The following ADGRG5 variants were observed in gnomAD, a reference collection of about 807,000 sequenced individuals.
The protein encoded by ADGRG5 is adhesion G protein-coupled receptor G5.
Under a neutral mutation model 53.2 loss-of-function variants are expected in ADGRG5, and 37 were observed. The observed-to-expected ratio is 0.70, with a 90% CI of 0.53 to 0.91. The LOEUF is 0.91. Ranked by LOEUF, ADGRG5 falls within the 40% of genes least tolerant of loss-of-function variation. ADGRG5 has a pLI of 0.00. For missense variants in ADGRG5, 614 were observed against 675.8 expected (o/e 0.91, Z 1.01); for synonymous variants, 277 against 290.4 (o/e 0.95, Z 0.47).
chr16:57,549,462 C>T (rs2032697310), intron 1 of ADGRG5, among the ~76,000 whole-genome samples: 1 of 152,294 alleles, frequency 6.6e-6, no homozygotes, highest in South Asian at 2.1e-4. Context: ...TTGTTGACTT[C>T]CTTTCTCTAA....
At chr16:57,547,003 C>A (rs138905908) in intron 1 of ADGRG5, among the ~76,000 whole-genome samples, 1,574 of 152,274 alleles carry the variant, frequency 0.01, 9 homozygotes, top group Non-Finnish European at 0.017. Context: ...TGAGCCACTG[C>A]ACCTGGCCTG....
upstream of ADGRG5, among the ~76,000 whole-genome samples, chr16:57,538,435 C>T (rs1378143333): frequency 6.6e-6 from 1 of 152,116 alleles, no homozygotes; most frequent in Non-Finnish European, 1.5e-5. Flanking sequence ...GACACTCTGT[C>T]TCTACAAAAA....
chr16:57,569,617 GCCA>G (rs2033282759), intron 9 of ADGRG5, among the ~76,000 whole-genome samples: 1 of 58,460 alleles, frequency 1.7e-5, no homozygotes, highest in Non-Finnish European at 3.4e-5. Context: ...CTCTATCATC[GCCA>G]TCATCACCTC....
intron 5 of ADGRG5, among the ~76,000 whole-genome samples, chr16:57,564,801 C>T (rs1290096775): frequency 1.3e-5 from 2 of 152,044 alleles, no homozygotes; most frequent in African/African-American, 4.8e-5. Flanking sequence ...ATGCATTAAA[C>T]GAATGGGAGG....
intron 1 of ADGRG5, among the ~76,000 whole-genome samples, chr16:57,546,089 G>C (rs2032613601): frequency 6.6e-6 from 1 of 152,166 alleles, no homozygotes; most frequent in Non-Finnish European, 1.5e-5. Flanking sequence ...GCCTCCCAAA[G>C]TGCTGGGATT....
the ADGRG5 span, chr16:57,529,245 G>C: frequency 8.9e-7 from 1 of 1,129,786 alleles, no homozygotes; most frequent in African/African-American, 1.7e-5. This position sits in a 1 kb window ranked among gnomAD's most constrained non-coding sequence, Gnocchi z 4.1. Flanking sequence ...GGGACGCGCG[G>C]CGGGCGCGAT....
chr16:57,551,898 T>C (rs541163253), intron 1 of ADGRG5, among the ~76,000 whole-genome samples: 1 of 152,346 alleles, frequency 6.6e-6, no homozygotes, highest in African/African-American at 2.4e-5. Flanking sequence ...AATGACTCCT[T>C]GATCCATGGG....
At chr16:57,536,757 G>A in the ADGRG5 span, among the ~76,000 whole-genome samples, 1 of 152,132 alleles carries the variant, frequency 6.6e-6, no homozygotes, top group Non-Finnish European at 1.5e-5. Context: ...TGCGGGCCGG[G>A]GCGGTGGGCT....
upstream of ADGRG5, among the ~76,000 whole-genome samples, chr16:57,539,958 C>T (rs556945908): frequency 6.6e-6 from 1 of 152,152 alleles, no homozygotes; most frequent in South Asian, 2.1e-4. Context: ...ATTTAGCCCT[C>T]GGCGGGGCAC....
chr16:57,567,977 A>G lies in ADGRG5; in HGVS notation c.943A>G (p.Thr315Ala). The G allele has an allele frequency of 6.2e-7, 1 of 1,613,986 alleles. No individual in the cohort carries two copies. Among genetic ancestry groups the G allele is most frequent in the Non-Finnish European group, 8.5e-7 (1 of 1,179,944 alleles). Residue 315 changes from threonine to alanine, a missense_variant, in exon 9 of 12, where the codon ACG (threonine) becomes GCG (alanine). Transcript: ENST00000349457. The part of the protein sequence containing the change: ...AMSPVPGSAC[T>A]ALAAALHYAL... ...GTCTCCTGTGCCCGGGTCAGCATGC[A>G]CGGCTCTGGCCGCTGCCCTGCACTA...
intron 1 of ADGRG5, 34 bp from the exon 2 acceptor site, chr16:57,562,022 T>C (rs1034883706): frequency 7.6e-7 from 1 of 1,316,154 alleles, no homozygotes; most frequent in East Asian, 2.4e-5. Context: ...GGTTGCTCTT[T>C]TATCATCATG....
intron 1 of ADGRG5, among the ~76,000 whole-genome samples, chr16:57,559,473 G>C (rs562611649): frequency 6.6e-6 from 1 of 152,310 alleles, no homozygotes; most frequent in African/African-American, 2.4e-5. Flanking sequence ...TGAGCATCCA[G>C]TGGAGGACTG....
chr16:57,534,882 T>C, the ADGRG5 span, among the ~76,000 whole-genome samples: 1 of 152,202 alleles, frequency 6.6e-6, no homozygotes. Flanking sequence ...ATTGACCCAC[T>C]GGGAACAGCG....
chr16:57,573,858 A>G (rs1325449559), intron 10 of ADGRG5, among the ~76,000 whole-genome samples: 2 of 152,022 alleles, frequency 1.3e-5, no homozygotes, highest in African/African-American at 4.8e-5. Context: ...AGCAGCTGGG[A>G]TTACAGGCAC....
chr16:57,536,881 G>C, the ADGRG5 span, among the ~76,000 whole-genome samples: 1 of 152,158 alleles, frequency 6.6e-6, no homozygotes, highest in Admixed American at 6.5e-5. Flanking sequence ...CTACGTACTA[G>C]GCGCCCCCAG....
chr16:57,575,431 C>G lies in ADGRG5; in HGVS notation c.1487-7C>G, dbSNP rs2033489428. Reference sequence around the variant, plus strand: ...TGCCCCGTGGAACTCCCGCCTTTCTCTTGCAGGTTTCTTCCTTTTCCTGTG... The same window carrying G: ...TGCCCCGTGGAACTCCCGCCTTTCTGTTGCAGGTTTCTTCCTTTTCCTGTG... On this transcript the variant is annotated splice_region_variant and splice_polypyrimidine_tract_variant and intron_variant, in intron 11 of 11. Transcript: ENST00000349457. 6.2e-7 allele frequency: 1 copy of G among 1,613,660 alleles called. No homozygotes were observed. Among genetic ancestry groups the G allele is most frequent in the Non-Finnish European group, 8.5e-7 (1 of 1,179,676 alleles).
intron 1 of ADGRG5, among the ~76,000 whole-genome samples, chr16:57,561,005 C>T (rs187878923): frequency 6.6e-6 from 1 of 152,288 alleles, no homozygotes; most frequent in Non-Finnish European, 1.5e-5. Context: ...TCTGGAACTC[C>T]TGGTCTCAAG....
chr16:57,555,551 T>A (rs1258364727), intron 1 of ADGRG5, among the ~76,000 whole-genome samples: 1 of 152,250 alleles, frequency 6.6e-6, no homozygotes, highest in Non-Finnish European at 1.5e-5. Flanking sequence ...GAGACAAATA[T>A]TGCATTTTGC....
chr16:57,550,288 C>T (rs1350065267), intron 1 of ADGRG5, among the ~76,000 whole-genome samples: 1 of 152,190 alleles, frequency 6.6e-6, no homozygotes, highest in African/African-American at 2.4e-5. Flanking sequence ...CATCTATATA[C>T]ATCTTCATTG....
Sources: allele counts gnomAD v4.1 joint callset (sites outside exome capture counted in the v4.1 genomes callset), GRCh38; gene constraint gnomAD v4.1.1; non-coding constraint Gnocchi (gnomAD v3.1); transcripts MANE v1.5; gene names NCBI Gene and HGNC (gene_info 2026-07-23, HGNC 2026-07-21).